The following HSD17B12 variants were observed in gnomAD, a reference collection of about 807,000 sequenced individuals.
HSD17B12 encodes the protein very-long-chain 3-oxoacyl-CoA reductase.
A neutral mutation model predicts 39.3 loss-of-function variants in HSD17B12; 32 were observed. The ratio of observed to expected loss-of-function variants is 0.81; its 90% CI spans 0.61 to 1.09. The LOEUF (loss-of-function observed/expected upper bound fraction) is 1.09, where lower values mean the gene tolerates loss of function less well. Among genes scored for constraint, HSD17B12 ranks in the 50% least tolerant of loss-of-function variants. The pLI is 0.00. For missense variants in HSD17B12, 342 were observed against 382.9 expected (o/e 0.89, Z 0.89); for synonymous variants, 150 against 146.7 (o/e 1.02, Z -0.16).
the HSD17B12 span, among the ~76,000 whole-genome samples, chr11:43,649,426 T>C: frequency 6.6e-6 from 1 of 152,194 alleles, no homozygotes. Context: ...TATTATATTC[T>C]TCTACTTGAG....
intron 6 of HSD17B12, among the ~76,000 whole-genome samples, chr11:43,819,237 A>ACTTT (rs1565100758): frequency 6.6e-6 from 1 of 152,154 alleles, no homozygotes; most frequent in African/African-American, 2.4e-5. Context: ...CTGCTTGTCT[A>ACTTT]CACTTACATG....
the HSD17B12 span, among the ~76,000 whole-genome samples, chr11:43,621,266 G>T: frequency 6.6e-6 from 1 of 152,126 alleles, no homozygotes; most frequent in East Asian, 1.9e-4. Context: ...AGACAGAAAT[G>T]AATATAAATA....
chr11:43,629,112 T>C, the HSD17B12 span, among the ~76,000 whole-genome samples: 1 of 152,136 alleles, frequency 6.6e-6, no homozygotes, highest in South Asian at 2.1e-4. Context: ...TTTCCCCAGG[T>C]GCATTTTCTA....
the HSD17B12 span, among the ~76,000 whole-genome samples, chr11:43,607,419 T>C: frequency 6.6e-6 from 1 of 152,102 alleles, no homozygotes; most frequent in South Asian, 2.1e-4. Context: ...AGCACTTACT[T>C]TACTCATACA....
the HSD17B12 span, among the ~76,000 whole-genome samples, chr11:43,582,097 G>T: frequency 2.6e-5 from 4 of 152,200 alleles, no homozygotes; most frequent in Non-Finnish European, 4.4e-5. Context: ...TTCCTCCCGC[G>T]CCTGCTTCCA....
At chr11:43,656,024 C>T in the HSD17B12 span, among the ~76,000 whole-genome samples, 1 of 152,184 alleles carries the variant, frequency 6.6e-6, no homozygotes, top group Non-Finnish European at 1.5e-5. Flanking sequence ...GGCGGTGAAT[C>T]CATCTGGTCC....
At chr11:43,827,966 A>G (rs1951263855) in intron 6 of HSD17B12, among the ~76,000 whole-genome samples, 3 of 152,276 alleles carry the variant, frequency 2.0e-5, no homozygotes, top group South Asian at 4.1e-4. Context: ...TATAACATAT[A>G]TATTAAACTA....
chr11:43,768,465 T>C (rs1008963216), intron 3 of HSD17B12, among the ~76,000 whole-genome samples: 7 of 152,208 alleles, frequency 4.6e-5, no homozygotes, highest in Admixed American at 3.3e-4. Flanking sequence ...CCAGAGTTGG[T>C]TCCTTCTGGT....
chr11:43,852,557 T>C (rs2135150324), intron 9 of HSD17B12: 1 of 152,066 alleles, frequency 6.6e-6, no homozygotes, highest in East Asian at 1.9e-4. Context: ...GAGATCAGAG[T>C]ATTTACATAT....
At chr11:43,819,907 T>C (rs1382961539) in intron 6 of HSD17B12, among the ~76,000 whole-genome samples, 2 of 152,234 alleles carry the variant, frequency 1.3e-5, no homozygotes, top group Non-Finnish European at 2.9e-5. Flanking sequence ...TGAATTTTCC[T>C]GTACCTTTGT....
rs1021870008 is a variant in HSD17B12 at position 43,744,001 on chromosome 11, C to T, written c.161-6910C>T. Among the ~76,000 whole-genome samples, 6 of 151,914 alleles carry T rather than the reference C, an allele frequency of 3.9e-5. No homozygotes were observed. In the East Asian group the frequency reaches 5.8e-4, roughly 15 times the overall value. On this transcript the variant is annotated intron_variant, in intron 1 of 10. Transcript: ENST00000278353. ...GAGTGAGAGTGTGCAAAAGGGCAGTCGGAATATGGAAGATTCTTCAAAGTA... is the reference window on the plus strand; with the variant it reads ...GAGTGAGAGTGTGCAAAAGGGCAGTTGGAATATGGAAGATTCTTCAAAGTA...
chr11:43,625,024 A>C, the HSD17B12 span, among the ~76,000 whole-genome samples: 1 of 151,796 alleles, frequency 6.6e-6, no homozygotes, highest in Admixed American at 6.6e-5. Context: ...ATTAATTTTA[A>C]TACTGCTCTA....
At chr11:43,697,046 G>A (rs1949918847) in intron 1 of HSD17B12, among the ~76,000 whole-genome samples, 1 of 152,084 alleles carries the variant, frequency 6.6e-6, no homozygotes, top group Admixed American at 6.5e-5. Flanking sequence ...GGAAGCATTA[G>A]GACAAATAGC....
rs1048974462 is a variant in HSD17B12 at position 43,831,878 on chromosome 11, A to G, written c.536+868A>G. On this transcript the variant is annotated intron_variant, in intron 7 of 10. Transcript: ENST00000278353. This position sits in a 1 kb window ranked among gnomAD's most constrained non-coding sequence, Gnocchi z 4.1. ...CTACTCCAGGCAGGGATTACAGCTT[A>G]TGTTTATTGAGTATATAGTAAGTGC... 1.1e-3 allele frequency among the ~76,000 whole-genome samples: 169 copies of G among 152,202 alleles called. 3 individuals carry two copies. Among genetic ancestry groups the G allele is most frequent in the Non-Finnish European group, 2.9e-4 (20 of 68,042 alleles).
At position 43,852,727 on chromosome 11, in the gene HSD17B12, G is replaced by T. The variant is rs538085211; in HGVS notation, c.685-1988G>T. 1.3e-5 allele frequency: 2 copies of T among 152,172 alleles called. 1 individual carries two copies. The highest frequency in any genetic ancestry group is 4.8e-5 in the African/African-American group (2 of 41,526). The allele number at this position is 152,172 out of a possible 1,614,324, so 9.4% of individuals were successfully genotyped here. Reference sequence around the variant, plus strand: ...ATAGACTATATCCTTGTGGCAAAATGGTCCTTAAAAGATGTGACAAAAAAT... The same window carrying T: ...ATAGACTATATCCTTGTGGCAAAATTGTCCTTAAAAGATGTGACAAAAAAT... On this transcript the variant is annotated intron_variant, in intron 9 of 10. Transcript: ENST00000278353.
chr11:43,701,213 G>C (rs1454169319), intron 1 of HSD17B12, among the ~76,000 whole-genome samples: 2 of 152,018 alleles, frequency 1.3e-5, no homozygotes, highest in African/African-American at 2.4e-5. Context: ...AGTTGTTTAG[G>C]CTCCTTATAT....
chr11:43,583,082 T>A, the HSD17B12 span, among the ~76,000 whole-genome samples: 1 of 152,182 alleles, frequency 6.6e-6, no homozygotes, highest in Admixed American at 6.5e-5. Context: ...CTTTTGCTTC[T>A]TACATACCCC....
chr11:43,604,716 C>A, the HSD17B12 span, among the ~76,000 whole-genome samples: 1 of 152,140 alleles, frequency 6.6e-6, no homozygotes, highest in Non-Finnish European at 1.5e-5. Flanking sequence ...GCTCACACCA[C>A]AATAAGAACT....
chr11:43,595,621 G>A, the HSD17B12 span, among the ~76,000 whole-genome samples: 1 of 152,264 alleles, frequency 6.6e-6, no homozygotes, highest in South Asian at 2.1e-4. Context: ...TAAGATTAAT[G>A]TATTTAAAAT....
Sources: gnomAD v4.1 joint callset for allele counts (sites outside exome capture counted in the v4.1 genomes callset) on GRCh38, gnomAD v4.1.1 for gene constraint, Gnocchi (gnomAD v3.1) non-coding constraint, MANE v1.5 for transcripts, NCBI Gene and HGNC (gene_info 2026-07-23, HGNC 2026-07-21) for gene names.